APBA1: variants seen among roughly 807,000 people sequenced by gnomAD.
APBA1 encodes the protein amyloid-beta A4 precursor protein-binding family A member 1.
In APBA1, 55 loss-of-function variants were observed where a neutral mutation model predicts 86.6. The ratio of observed to expected loss-of-function variants is 0.64; its 90% CI spans 0.51 to 0.80. The LOEUF is 0.80. Ranked by LOEUF, APBA1 falls within the 30% of genes least tolerant of loss-of-function variation. APBA1 has a pLI of 0.00. For synonymous variants in APBA1, 511 were observed against 493.9 expected (o/e 1.03, Z -0.46); for missense variants, 1,090 against 1,183.0 (o/e 0.92, Z 1.15).
At chr9:69,558,766 T>G (rs1340389700) in intron 1 of APBA1, among the ~76,000 whole-genome samples, 2 of 152,244 alleles carry the variant, frequency 1.3e-5, no homozygotes, top group South Asian at 4.2e-4. Flanking sequence ...GTGTCTGTTG[T>G]TCCCTTCTTT....
intron 2 of APBA1, chr9:69,494,362 G>A (rs1448365620): frequency 3.3e-5 from 5 of 152,022 alleles, no homozygotes; most frequent in African/African-American, 9.7e-5. Context: ...TGGATCATTC[G>A]AAGCCCAGAG....
At chr9:69,671,217 G>T (rs970728797) in intron 1 of APBA1, among the ~76,000 whole-genome samples, 3 of 152,092 alleles carry the variant, frequency 2.0e-5, no homozygotes, top group Admixed American at 6.5e-5. Flanking sequence ...TTCTCCTTCT[G>T]GTCAGACAAG....
chr9:69,467,997 G>A, intron 4 of APBA1, 29 bp from the exon 5 acceptor site: 1 of 1,608,894 alleles, frequency 6.2e-7, no homozygotes, highest in Non-Finnish European at 8.5e-7. Flanking sequence ...CAGTGAGGAA[G>A]CCATCCTGGG....
chr9:69,541,481 C>T (rs1836611565), intron 1 of APBA1, among the ~76,000 whole-genome samples: 1 of 151,622 alleles, frequency 6.6e-6, no homozygotes, highest in African/African-American at 2.4e-5. Context: ...TTTTCATATA[C>T]CCATTGACCA....
intron 1 of APBA1, among the ~76,000 whole-genome samples, chr9:69,632,345 C>G (rs1180580834): frequency 1.3e-5 from 2 of 152,070 alleles, no homozygotes; most frequent in African/African-American, 4.8e-5. Flanking sequence ...CTTCCCTCCC[C>G]CAAAGGTGTC....
At chr9:69,566,998 C>G (rs921276529) in intron 1 of APBA1, among the ~76,000 whole-genome samples, 1 of 152,086 alleles carries the variant, frequency 6.6e-6, no homozygotes, top group African/African-American at 2.4e-5. Flanking sequence ...AGATGTGCAA[C>G]AAATATTTCT....
At chr9:69,617,392 C>T (rs1003633942) in intron 1 of APBA1, among the ~76,000 whole-genome samples, 20 of 152,002 alleles carry the variant, frequency 1.3e-4, no homozygotes, top group Non-Finnish European at 2.5e-4. Context: ...TATATACTAC[C>T]AACATGGCAT....
intron 10 of APBA1, among the ~76,000 whole-genome samples, chr9:69,442,485 G>T (rs980995626): frequency 1.3e-5 from 2 of 152,136 alleles, no homozygotes; most frequent in Admixed American, 6.5e-5. Flanking sequence ...GGGAGGAGAG[G>T]TGGGTAACTT....
intron 1 of APBA1, among the ~76,000 whole-genome samples, chr9:69,553,411 A>G (rs1057383338): frequency 1.2e-4 from 19 of 152,120 alleles, no homozygotes; most frequent in Admixed American, 1.2e-3. Context: ...CACTTATATC[A>G]TCAGAGATTA....
At chr9:69,471,177 C>G (rs921104185) in intron 4 of APBA1, among the ~76,000 whole-genome samples, 2 of 152,132 alleles carry the variant, frequency 1.3e-5, no homozygotes, top group African/African-American at 4.8e-5. Flanking sequence ...TAGAACAGAA[C>G]CTGGCAGAGT....
chr9:69,428,333 C>G lies in APBA1; in HGVS notation c.*2994G>C, dbSNP rs1251849656. Reference sequence around the variant, plus strand: ...GGACCCGGCACCCCTGCCATGCACTCCTAGGAGCCTGCTCTGGCGAGGGAA... The same window carrying G: ...GGACCCGGCACCCCTGCCATGCACTGCTAGGAGCCTGCTCTGGCGAGGGAA... On this transcript the variant is annotated 3_prime_UTR_variant, in exon 13 of 13. Coordinates refer to ENST00000265381, the MANE Select transcript of APBA1 (RefSeq NM_001163.4). The G allele has an allele frequency of 6.6e-6, 1 of 152,340 alleles. No homozygotes were observed. Among genetic ancestry groups the G allele is most frequent in the Non-Finnish European group, 1.5e-5 (1 of 68,156 alleles). 9.4% of individuals were successfully genotyped at this position (152,340 alleles called of 1,614,324 possible).
intron 4 of APBA1, 73 bp downstream of exon 4, chr9:69,471,583 A>G: frequency 8.2e-7 from 1 of 1,215,924 alleles, no homozygotes; most frequent in East Asian, 2.3e-5. Context: ...CTTATATCTC[A>G]GTGCTTCATA....
chr9:69,575,215 G>T (rs1010131550), intron 1 of APBA1, among the ~76,000 whole-genome samples: 1 of 152,078 alleles, frequency 6.6e-6, no homozygotes. Flanking sequence ...ACTGCACCCG[G>T]CCCAATTATT....
rs1554699102 is a variant in APBA1 at position 69,541,259 on chromosome 9, C to CA, written c.-69-23981_-69-23980insT. Among the ~76,000 whole-genome samples the CA allele has an allele frequency of 2.0e-5, 3 of 149,654 alleles. 1 individual carries two copies. Among genetic ancestry groups the CA allele is most frequent in the South Asian group, 4.5e-4 (2 of 4,494 alleles). On this transcript the variant is annotated intron_variant, in intron 1 of 12. Transcript: ENST00000265381. The stretch of plus-strand genomic sequence containing the variant: ...TTTTAATTGTTTTAGGGACCCCCCC[C>CA]CCCATTCTGTTTTCTATATCAGCCG...
intron 1 of APBA1, among the ~76,000 whole-genome samples, chr9:69,606,856 G>A (rs1314225388): frequency 6.6e-6 from 1 of 152,078 alleles, no homozygotes; most frequent in Non-Finnish European, 1.5e-5. Flanking sequence ...AGGCCATGCT[G>A]CTTCCTAAAA....
chr9:69,549,609 A>T (rs1436005646), intron 1 of APBA1, among the ~76,000 whole-genome samples: 2 of 152,160 alleles, frequency 1.3e-5, no homozygotes, highest in African/African-American at 4.8e-5. Flanking sequence ...CCTGTAGGTG[A>T]CCTCTCGTGG....
At chr9:69,550,720 A>G (rs890164928) in intron 1 of APBA1, among the ~76,000 whole-genome samples, 1 of 152,212 alleles carries the variant, frequency 6.6e-6, no homozygotes, top group African/African-American at 2.4e-5. Flanking sequence ...GAAGTGCTGT[A>G]AAGAGAATAA....
chr9:69,603,607 A>T (rs1038308710), intron 1 of APBA1, among the ~76,000 whole-genome samples: 1 of 152,376 alleles, frequency 6.6e-6, no homozygotes, highest in African/African-American at 2.4e-5. Flanking sequence ...AAATTCAAAC[A>T]TAGGTCTACA....
intron 2 of APBA1, among the ~76,000 whole-genome samples, chr9:69,508,999 A>G (rs1351086291): frequency 6.7e-6 from 1 of 148,852 alleles, no homozygotes; most frequent in Non-Finnish European, 1.5e-5. Context: ...CTAACATCAC[A>G]ATTAAAAGAA....
Sources: allele counts gnomAD v4.1 joint callset (sites outside exome capture counted in the v4.1 genomes callset), GRCh38; gene constraint gnomAD v4.1.1; transcripts MANE v1.5; gene names NCBI Gene and HGNC (gene_info 2026-07-23, HGNC 2026-07-21).